NAV2: variants seen among roughly 807,000 people sequenced by gnomAD.
NAV2 encodes neuron navigator 2, also known as helicase, APC down-regulated 1.
Under a neutral mutation model 223.2 loss-of-function variants are expected in NAV2, and 54 were observed. The ratio of observed to expected loss-of-function variants is 0.24; its 90% CI spans 0.19 to 0.30. The LOEUF is 0.30. Among genes scored for constraint, NAV2 ranks in the 10% least tolerant of loss-of-function variants. The pLI, the probability that NAV2 is intolerant of heterozygous loss-of-function variation, is 1.00. For missense variants in NAV2, 2,806 were observed against 3,147.5 expected (o/e 0.89, Z 2.60); for synonymous variants, 1,279 against 1,239.3 (o/e 1.03, Z -0.67).
chr11:19,397,919 C>T (rs1258977930), intron 1 of NAV2, among the ~76,000 whole-genome samples: 1 of 152,152 alleles, frequency 6.6e-6, no homozygotes, highest in Non-Finnish European at 1.5e-5. Flanking sequence ...AGGGCAGCAG[C>T]AGTGCCTCTG....
chr11:19,823,669 C>T (rs976786849), intron 1 of NAV2, among the ~76,000 whole-genome samples: 29 of 152,254 alleles, frequency 1.9e-4, no homozygotes, highest in African/African-American at 7.0e-4. Flanking sequence ...TCTGGGGTCT[C>T]TTAAGGAAGG....
chr11:19,616,620 G>A (rs189285989), intron 1 of NAV2, among the ~76,000 whole-genome samples: 6 of 152,040 alleles, frequency 3.9e-5, no homozygotes, highest in African/African-American at 7.2e-5. Flanking sequence ...GTTGCTCCAC[G>A]TGCCCTGATG....
chr11:20,106,866 G>A (rs117531457), intron 35 of NAV2, among the ~76,000 whole-genome samples: 11,313 of 151,448 alleles, frequency 0.075, 871 homozygotes, highest in East Asian at 0.35. Flanking sequence ...GGCTGATCTC[G>A]AACTCCTGAC....
At chr11:20,046,735 A>C (rs2057479291) in intron 14 of NAV2, among the ~76,000 whole-genome samples, 1 of 152,204 alleles carries the variant, frequency 6.6e-6, no homozygotes, top group Non-Finnish European at 1.5e-5. Context: ...AGATATAAAC[A>C]AATTATTCAC....
At chr11:19,857,433 GC>G (rs1449876399) in intron 3 of NAV2, among the ~76,000 whole-genome samples, 2 of 152,332 alleles carry the variant, frequency 1.3e-5, no homozygotes, top group South Asian at 4.1e-4. Context: ...GTCAACTCTT[GC>G]CCAGGAGACT....
intron 12 of NAV2, among the ~76,000 whole-genome samples, chr11:20,039,344 T>C (rs1238256193): frequency 1.3e-5 from 2 of 152,174 alleles, no homozygotes; most frequent in Non-Finnish European, 2.9e-5. Context: ...TATCAGCACA[T>C]GCTTCCCTAG....
At chr11:19,624,999 G>A (rs971080000) in intron 1 of NAV2, among the ~76,000 whole-genome samples, 2 of 152,258 alleles carry the variant, frequency 1.3e-5, no homozygotes, top group Middle Eastern at 3.4e-3. Context: ...TACATATAAT[G>A]TATAGTGATC....
Position 19,375,423 on chromosome 11 carries a change from A to G in NAV2, c.75+24396A>G, listed in dbSNP as rs189141441. ...TTGGTACTCCCTTCTCCTACAATCT[A>G]GCAAAATTCTTTGGGGTCCTATTCT... On this transcript the variant is annotated intron_variant, in intron 1 of 37. Coordinates refer to the NAV2 transcript ENST00000360655. 1.2e-4 allele frequency among the ~76,000 whole-genome samples: 19 copies of G among 152,308 alleles called. No individual in the cohort carries two copies. The East Asian group carries it at 3.7e-3, about 29-fold the overall frequency.
intron 19 of NAV2, among the ~76,000 whole-genome samples, chr11:20,057,719 G>A (rs536530041): frequency 3.3e-5 from 5 of 152,274 alleles, no homozygotes; most frequent in East Asian, 1.9e-4. Context: ...AGTGAACCAC[G>A]TCCAGTACTG....
At chr11:19,530,006 C>T (rs1459206865) in intron 1 of NAV2, among the ~76,000 whole-genome samples, 1 of 152,162 alleles carries the variant, frequency 6.6e-6, no homozygotes, top group Non-Finnish European at 1.5e-5. Context: ...CAGCATTTGT[C>T]TGTCTCCCTT....
intron 1 of NAV2, among the ~76,000 whole-genome samples, chr11:19,390,868 G>T (rs1173117439): frequency 1.3e-5 from 2 of 152,168 alleles, no homozygotes; most frequent in Non-Finnish European, 2.9e-5. Flanking sequence ...GCCATTTATT[G>T]TTCAATAACT....
intron 3 of NAV2, among the ~76,000 whole-genome samples, chr11:19,850,042 A>T (rs918774988): frequency 1.3e-5 from 2 of 152,054 alleles, no homozygotes; most frequent in Non-Finnish European, 2.9e-5. Context: ...CTCAAACTCT[A>T]CACCCCAGCG....
At chr11:19,867,557 T>C (rs994187542) in intron 3 of NAV2, among the ~76,000 whole-genome samples, 14 of 152,368 alleles carry the variant, frequency 9.2e-5, no homozygotes, top group Non-Finnish European at 1.5e-4. Flanking sequence ...GCATAACGCA[T>C]AGCATCAACA....
chr11:19,560,016 A>C (rs1220804534), intron 1 of NAV2, among the ~76,000 whole-genome samples: 1 of 152,244 alleles, frequency 6.6e-6, no homozygotes. Context: ...CTCTAGCTGC[A>C]GGAACCAGAA....
intron 1 of NAV2, among the ~76,000 whole-genome samples, chr11:19,563,217 G>A (rs1341477602): frequency 6.6e-6 from 1 of 152,210 alleles, no homozygotes; most frequent in Non-Finnish European, 1.5e-5. Flanking sequence ...GGGAAAAGAA[G>A]TGAATTTCCC....
At chr11:19,900,072 C>A (rs190557931) in intron 6 of NAV2, among the ~76,000 whole-genome samples, 2 of 152,246 alleles carry the variant, frequency 1.3e-5, no homozygotes, top group African/African-American at 2.4e-5. Context: ...TTATGACCTT[C>A]TAGCTAGTAC....
chr11:19,999,605 AG>A (rs1159798924), intron 11 of NAV2, among the ~76,000 whole-genome samples: 1 of 152,220 alleles, frequency 6.6e-6, no homozygotes, highest in Non-Finnish European at 1.5e-5. Flanking sequence ...TCCTGACCTC[AG>A]GTGATCAGCC....
intron 1 of NAV2, among the ~76,000 whole-genome samples, chr11:19,655,930 A>G (rs941378063): frequency 6.6e-6 from 1 of 152,200 alleles, no homozygotes; most frequent in African/African-American, 2.4e-5. Flanking sequence ...GGTGACCAGA[A>G]AGATCAAAGA....
At chr11:19,956,076 CAG>C (rs1345877461) in intron 10 of NAV2, among the ~76,000 whole-genome samples, 1 of 152,144 alleles carries the variant, frequency 6.6e-6, no homozygotes, top group Non-Finnish European at 1.5e-5. Context: ...GCCAGCCAGC[CAG>C]TGGGCTGGTC....
Sources: allele counts gnomAD v4.1 joint callset (sites outside exome capture counted in the v4.1 genomes callset), GRCh38; gene constraint gnomAD v4.1.1; transcripts MANE v1.5; gene names NCBI Gene and HGNC (gene_info 2026-07-23, HGNC 2026-07-21).